NPC1L1: variants seen among roughly 807,000 people sequenced by gnomAD.
The protein encoded by NPC1L1 is NPC1-like intracellular cholesterol transporter 1.
NPC1L1 carries 98 observed loss-of-function variants against 117.0 expected under a neutral mutation model. That is an observed-to-expected ratio of 0.84 (90% CI 0.71 to 0.99). NPC1L1 has a LOEUF of 0.99. Ranked by LOEUF, NPC1L1 falls within the 50% of genes least tolerant of loss-of-function variation. The probability of loss-of-function intolerance (pLI) is 0.00; values close to 1 mark genes in which losing one functional copy is unlikely to be tolerated. For missense variants in NPC1L1, 1,540 were observed against 1,710.0 expected (o/e 0.90, Z 1.75); for synonymous variants, 729 against 727.6 (o/e 1.00, Z -0.03).
chr7:44,524,193 A>G (rs1385821148), intron 10 of NPC1L1, among the ~76,000 whole-genome samples: 2 of 152,222 alleles, frequency 1.3e-5, no homozygotes, highest in Non-Finnish European at 2.9e-5. Flanking sequence ...TGCAGTCTCA[A>G]AAATACCTGA....
At chr7:44,518,896 A>T (rs757287018) in intron 14 of NPC1L1, among the ~76,000 whole-genome samples, 2 of 151,960 alleles carry the variant, frequency 1.3e-5, no homozygotes, top group Non-Finnish European at 2.9e-5. Flanking sequence ...CGGGGTCTGC[A>T]AAGTCTTGGG....
chr7:44,538,803 C>T lies in NPC1L1; in HGVS notation c.1580+14G>A. On this transcript the variant is annotated intron_variant, in intron 2 of 18. Transcript: ENST00000381160. The surrounding 1 kb of genome is among the most constrained non-coding windows in gnomAD (Gnocchi z 5.9). ...CCCAGCCCACTCCTCGCTTGGGCCC[C>T]ACCATGGACTCACTTGGCACAGTAC... The T allele has an allele frequency of 1.2e-6, 2 of 1,613,902 alleles. No homozygotes were observed. The highest frequency in any genetic ancestry group is 1.7e-6 in the Non-Finnish European group (2 of 1,179,910).
chr7:44,534,637 G>A lies in NPC1L1; in HGVS notation c.1984-8C>T. The A allele has an allele frequency of 6.2e-7, 1 of 1,613,702 alleles. No homozygotes were observed. The highest frequency in any genetic ancestry group is 1.7e-5 in the Admixed American group (1 of 60,018). On this transcript the variant is annotated splice_region_variant and splice_polypyrimidine_tract_variant and intron_variant, in intron 5 of 18. Transcript: ENST00000381160. This position sits in a 1 kb window ranked among gnomAD's most constrained non-coding sequence, Gnocchi z 5.2. Reference sequence around the variant, plus strand: ...CGTGGCCTTGGAGTCCACCTGCAATGCAAACAGGCTCAGCCCCCTAGCCAC... The same window carrying A: ...CGTGGCCTTGGAGTCCACCTGCAATACAAACAGGCTCAGCCCCCTAGCCAC...
Position 44,520,805 on chromosome 7 carries a change from G to A in NPC1L1, c.3096C>T (p.Tyr1032=). 1.2e-6 allele frequency: 2 copies of A among 1,614,160 alleles called. No homozygotes were observed. The highest frequency in any genetic ancestry group is 1.7e-6 in the Non-Finnish European group (2 of 1,180,016). The change falls in exon 14 of 19, where the codon TAC becomes TAT. Residue 1032 remains tyrosine, a synonymous_variant. Transcript: ENST00000381160. ...IKCPKGGLAA[Y]STSVNLTSDG... is the part of the protein sequence containing the mutation. ...CTGAAGTCAAGTTCACAGAGGTGCT[G>A]TATGCTGCCAGGCCGCTGCAAGAAG...
In NPC1L1 at chr7:44,515,795, G is replaced by A; in HGVS notation, c.3796+8C>T. 6.2e-7 allele frequency: 1 copy of A among 1,614,136 alleles called. No individual in the cohort carries two copies. Among genetic ancestry groups the A allele is most frequent in the Non-Finnish European group, 8.5e-7 (1 of 1,180,010 alleles). Reference sequence around the variant, plus strand: ...GACAGTCTGGTAGGAACAGGCCTGGGCACTCACCCACGTAGCTGAGGATGA... The same window carrying A: ...GACAGTCTGGTAGGAACAGGCCTGGACACTCACCCACGTAGCTGAGGATGA... On this transcript the variant is annotated splice_region_variant and intron_variant, in intron 18 of 18. Transcript: ENST00000381160.
rs757331689 is a variant in NPC1L1, at chr7:44,521,720, G to A, written c.2945C>T (p.Ser982Leu). Residue 982 changes from serine (S) to leucine (L), a missense_variant, in exon 12 of 19, where the codon TCG (serine) becomes TTG (leucine). Coordinates refer to ENST00000381160, the MANE Select transcript of NPC1L1 (RefSeq NM_001101648.2). ...SGPNKDKFCP[S>L]TVNSLNCLKN... The stretch of plus-strand genomic sequence containing the variant: ...CATGGCCCCACACTCACTGACGGTC[G>A]AGGGGCAGAACTTGTCCTTATTGGG... 21 of 1,614,122 alleles carry A rather than the reference G, an allele frequency of 1.3e-5. No homozygotes were observed. The highest frequency in any genetic ancestry group is 2.2e-5 in the South Asian group (2 of 91,074).
chr7:44,513,827 A>C (rs1274709015), intron 18 of NPC1L1, among the ~76,000 whole-genome samples, 178 bp from the exon 19 acceptor site: 1 of 152,172 alleles, frequency 6.6e-6, no homozygotes, highest in Non-Finnish European at 1.5e-5. Flanking sequence ...TGGTCCCTCC[A>C]TCCCCCAAGC....
In NPC1L1 at chr7:44,538,793, G is replaced by C; in HGVS notation, c.1580+24C>G. ...CAGCCCCAGCCCCAGCCCACTCCTC[G>C]CTTGGGCCCCACCATGGACTCACTT... On this transcript the variant is annotated intron_variant, in intron 2 of 18. Transcript: ENST00000381160. This position sits in a 1 kb window ranked among gnomAD's most constrained non-coding sequence, Gnocchi z 5.9. 1 of 1,612,766 alleles carries C rather than the reference G, an allele frequency of 6.2e-7. No homozygotes were observed.
Position 44,516,081 on chromosome 7 carries a change from C to T in NPC1L1, c.3633+3G>A. The stretch of plus-strand genomic sequence containing the variant: ...ACAGGGTGGCCCACTCCTCTCCACT[C>T]ACCGCACTTCCCATAGAGATGGTGG... On this transcript the variant is annotated splice_donor_region_variant and intron_variant, in intron 17 of 18. Transcript: ENST00000381160. The T allele has an allele frequency of 1.2e-6, 2 of 1,610,618 alleles. No homozygotes were observed. Among genetic ancestry groups the T allele is most frequent in the Non-Finnish European group, 1.7e-6 (2 of 1,178,386 alleles).
At position 44,515,798 on chromosome 7, in the gene NPC1L1, C is replaced by T; in HGVS notation, c.3796+5G>A. 1 of 1,614,114 alleles carries T rather than the reference C, an allele frequency of 6.2e-7. No individual in the cohort carries two copies. The highest frequency in any genetic ancestry group is 8.5e-7 in the Non-Finnish European group (1 of 1,180,020). On this transcript the variant is annotated splice_donor_5th_base_variant and intron_variant, in intron 18 of 18. Coordinates refer to ENST00000381160, the MANE Select transcript of NPC1L1 (RefSeq NM_001101648.2). ...AGTCTGGTAGGAACAGGCCTGGGCA[C>T]TCACCCACGTAGCTGAGGATGACGG...
intron 10 of NPC1L1, among the ~76,000 whole-genome samples, chr7:44,525,600 T>G (rs755973208): frequency 1.4e-4 from 21 of 152,046 alleles, no homozygotes; most frequent in Non-Finnish European, 2.5e-4. Flanking sequence ...AAGCCAGGCA[T>G]GGTGGCATAT....
chr7:44,537,448 A>G (rs1213561112), intron 2 of NPC1L1, among the ~76,000 whole-genome samples: 4 of 152,166 alleles, frequency 2.6e-5, no homozygotes, highest in Non-Finnish European at 5.9e-5. Flanking sequence ...CCCTTTAGGT[A>G]TTGAGGTTAG....
Position 44,531,744 on chromosome 7 carries a change from C to T in NPC1L1, c.2637+11G>A, listed in dbSNP as rs778627985. The T allele has an allele frequency of 2.9e-5, 46 of 1,562,076 alleles. No individual in the cohort carries two copies. Among genetic ancestry groups the T allele is most frequent in the Non-Finnish European group, 3.9e-5 (45 of 1,152,850 alleles). ...CCAGGGGCCTAAGGGTTGAGAAGGG[C>T]CTGGGCTCACCTTGGGCAGGGCCAG... On this transcript the variant is annotated intron_variant, in intron 10 of 18. Coordinates refer to ENST00000381160, the MANE Select transcript of NPC1L1 (RefSeq NM_001101648.2).
Position 44,538,976 on chromosome 7 carries a change from G to C in NPC1L1, c.1421C>G (p.Pro474Arg). The change falls in exon 2 of 19, where the codon CCC becomes CGC. Residue 474 changes from proline to arginine, a missense_variant. Pro to Arg is a moderately radical substitution (Grantham distance 103). This residue lies in a region of NPC1L1 where 793 missense variants were observed against 820.4 expected (regional missense o/e 0.97). Coordinates refer to ENST00000381160, the MANE Select transcript of NPC1L1 (RefSeq NM_001101648.2). The surrounding 1 kb of genome is among the most constrained non-coding windows in gnomAD (Gnocchi z 5.9). ...GAGACTGGTATTGTCCGGATTGAGG[G>C]GGGCGTAGCAGATGTCCTGCAGGGA... ...NISLQDICYA[P>R]LNPDNTSLYD... The C allele has an allele frequency of 6.2e-7, 1 of 1,614,206 alleles. No homozygotes were observed. Among genetic ancestry groups the C allele is most frequent in the African/African-American group, 1.3e-5 (1 of 75,052 alleles).
chr7:44,522,813 CT>C (rs1394229648), intron 10 of NPC1L1, among the ~76,000 whole-genome samples: 1 of 151,310 alleles, frequency 6.6e-6, no homozygotes, highest in Non-Finnish European at 1.5e-5. Flanking sequence ...GTACCCCTTC[CT>C]ATCACCCCCA....
At chr7:44,515,423 T>C (rs1801154522) in intron 18 of NPC1L1, among the ~76,000 whole-genome samples, 1 of 152,140 alleles carries the variant, frequency 6.6e-6, no homozygotes, top group African/African-American at 2.4e-5. Flanking sequence ...ATAAAGGAAG[T>C]ATTAATATTA....
rs978166822 is a variant in NPC1L1 at position 44,534,004 on chromosome 7, A to G, written c.2167-151T>C. The G allele has an allele frequency of 1.2e-5, 8 of 684,782 alleles. No individual in the cohort carries two copies. The highest frequency in any genetic ancestry group is 1.2e-4 in the South Asian group (7 of 60,204). 42.4% of individuals were successfully genotyped at this position (684,782 alleles called of 1,614,324 possible). ...ATCATCAGAGACTCTCATACTCTCC[A>G]TGGCCAATATTCTTCTTCCAGGGTC... is the stretch of plus-strand genomic sequence containing the variant. On this transcript the variant is annotated intron_variant, in intron 6 of 18. Transcript: ENST00000381160. The surrounding 1 kb of genome is among the most constrained non-coding windows in gnomAD (Gnocchi z 5.2).
chr7:44,539,303 G>T lies in NPC1L1; in HGVS notation c.1094C>A (p.Ala365Asp). The change falls in exon 2 of 19, where the codon GCC becomes GAC. Residue 365 changes from alanine (A) to aspartate (D), a missense_variant. Transcript: ENST00000381160. This position sits in a 1 kb window ranked among gnomAD's most constrained non-coding sequence, Gnocchi z 4.4. The stretch of plus-strand genomic sequence containing the variant: ...TGTAAAGACCAGGCCCGCTGCCAAG[G>T]CCACCACCGGGATGACAGATAGCAC... ...ILVLSVIPVV[A>D]LAAGLVFTEL... The T allele has an allele frequency of 6.2e-7, 1 of 1,614,032 alleles. No individual in the cohort carries two copies. Among genetic ancestry groups the T allele is most frequent in the Non-Finnish European group, 8.5e-7 (1 of 1,179,996 alleles).
At position 44,534,166 on chromosome 7, in the gene NPC1L1, C is replaced by G. The variant is rs1006054725; in HGVS notation, c.2166+281G>C. On this transcript the variant is annotated intron_variant, in intron 6 of 18. Transcript: ENST00000381160. The surrounding 1 kb of genome is among the most constrained non-coding windows in gnomAD (Gnocchi z 5.2). ...ATCCTTACCATGGAATGCTACCTAG[C>G]AGCATAAAGACAGGAGGAGGCTGTA... Among the ~76,000 whole-genome samples the G allele has an allele frequency of 6.6e-6, 1 of 152,184 alleles. No individual in the cohort carries two copies. Among genetic ancestry groups the G allele is most frequent in the Admixed American group, 6.5e-5 (1 of 15,278 alleles).
Sources: gnomAD v4.1 joint callset for allele counts (sites outside exome capture counted in the v4.1 genomes callset) on GRCh38, gnomAD v4.1.1 for gene constraint, gnomAD v4.1.1 regional missense constraint, Gnocchi (gnomAD v3.1) non-coding constraint, MANE v1.5 for transcripts, NCBI Gene and HGNC (gene_info 2026-07-23, HGNC 2026-07-21) for gene names.